The following PTPRG variants were observed in gnomAD, a reference collection of about 807,000 sequenced individuals.
The protein encoded by PTPRG is receptor-type tyrosine-protein phosphatase gamma.
Under a neutral mutation model 165.3 loss-of-function variants are expected in PTPRG, and 102 were observed. The observed-to-expected ratio is 0.62, with a 90% CI of 0.53 to 0.73. PTPRG has a LOEUF of 0.73. Ranked by LOEUF, PTPRG falls within the 30% of genes least tolerant of loss-of-function variation. The pLI is 0.00. For missense variants in PTPRG, 1,866 were observed against 1,861.4 expected (o/e 1.00, Z -0.05); for synonymous variants, 675 against 669.5 (o/e 1.01, Z -0.13).
At chr3:62,024,663 T>G (rs2041767721) in intron 4 of PTPRG, among the ~76,000 whole-genome samples, 1 of 152,228 alleles carries the variant, frequency 6.6e-6, no homozygotes, top group African/African-American at 2.4e-5. Context: ...ATGTCACCCT[T>G]TCTTACCAAG....
At chr3:61,707,461 T>G (rs1203784889) in intron 1 of PTPRG, among the ~76,000 whole-genome samples, 1 of 152,144 alleles carries the variant, frequency 6.6e-6, no homozygotes, top group Non-Finnish European at 1.5e-5. Context: ...AGAGCTGATT[T>G]TTTTTCTATT....
intron 1 of PTPRG, among the ~76,000 whole-genome samples, chr3:61,743,705 A>G (rs2033090732): frequency 6.6e-6 from 1 of 152,184 alleles, no homozygotes; most frequent in East Asian, 1.9e-4. Context: ...CATAAACCAT[A>G]GTGGGCTTGG....
chr3:61,750,199 A>G (rs1014255058), intron 2 of PTPRG: 2 of 152,236 alleles, frequency 1.3e-5, no homozygotes, highest in Non-Finnish European at 2.9e-5. Flanking sequence ...GAAAGCCAAA[A>G]TTACATATAT....
chr3:61,658,019 T>C lies in PTPRG; in HGVS notation c.86-90859T>C, dbSNP rs574535985. Among the ~76,000 whole-genome samples the C allele has an allele frequency of 3.3e-5, 5 of 152,244 alleles. No individual in the cohort carries two copies. The South Asian group carries it at 1.0e-3, about 32-fold the overall frequency. On this transcript the variant is annotated intron_variant, in intron 1 of 29. Coordinates refer to ENST00000474889, the MANE Select transcript of PTPRG (RefSeq NM_002841.4). ...CCCTACACACTGGGCACCCACCCTA[T>C]GGACAGACACACTCCATGAAAATGT...
At chr3:61,713,959 C>T (rs959839780) in intron 1 of PTPRG, among the ~76,000 whole-genome samples, 2 of 151,874 alleles carry the variant, frequency 1.3e-5, no homozygotes, top group African/African-American at 2.4e-5. Flanking sequence ...ACGATAATGC[C>T]GTATTTTAAA....
intron 2 of PTPRG, chr3:61,753,466 C>T (rs1473172578): frequency 3.1e-6 from 1 of 318,784 alleles, no homozygotes; most frequent in Admixed American, 4.0e-5. Flanking sequence ...TTGGAGTTTG[C>T]CCAGAACTTC....
chr3:61,813,541 A>ATCTGTGTG (rs1553673873), intron 2 of PTPRG, among the ~76,000 whole-genome samples: 15 of 69,188 alleles, frequency 2.2e-4, no homozygotes, highest in Non-Finnish European at 4.6e-4. Flanking sequence ...AAAAAAGAAA[A>ATCTGTGTG]TCTGTGTGTG....
chr3:61,817,130 CATA>C (rs1330912163), intron 2 of PTPRG, among the ~76,000 whole-genome samples: 6 of 126,216 alleles, frequency 4.8e-5, no homozygotes, highest in Non-Finnish European at 9.6e-5. Context: ...ATGTATTACA[CATA>C]ATACATATAT....
intron 4 of PTPRG, among the ~76,000 whole-genome samples, chr3:62,070,543 T>TA (rs1701174893): frequency 1.3e-5 from 2 of 152,254 alleles, no homozygotes; most frequent in African/African-American, 4.8e-5. Context: ...TGCACAGACT[T>TA]ACGTCCTGCG....
intron 2 of PTPRG, among the ~76,000 whole-genome samples, chr3:61,846,433 A>C (rs1247270996): frequency 6.8e-6 from 1 of 146,556 alleles, no homozygotes; most frequent in African/African-American, 2.5e-5. Context: ...CTTCAGAGTC[A>C]AAAAAAACAC....
intron 1 of PTPRG, among the ~76,000 whole-genome samples, chr3:61,615,635 AC>A (rs1162535001): frequency 1.3e-5 from 2 of 151,964 alleles, no homozygotes; most frequent in Non-Finnish European, 2.9e-5. Flanking sequence ...CTTTCAACTT[AC>A]TCTTTATTTG....
At chr3:61,750,263 TC>T (rs2033376593) in intron 2 of PTPRG, 6 of 152,232 alleles carry the variant, frequency 3.9e-5, no homozygotes, top group Non-Finnish European at 8.8e-5. Context: ...ACTCTGTGGC[TC>T]TGACATCAGT....
intron 1 of PTPRG, among the ~76,000 whole-genome samples, chr3:61,672,809 GA>G: frequency 2.0e-5 from 3 of 150,112 alleles, no homozygotes; most frequent in Admixed American, 6.6e-5. Context: ...GGGGGAGAGA[GA>G]GGGAGAGAGA....
At chr3:61,676,513 A>G (rs1233413742) in intron 1 of PTPRG, among the ~76,000 whole-genome samples, 1 of 150,438 alleles carries the variant, frequency 6.6e-6, no homozygotes, top group Non-Finnish European at 1.5e-5. Flanking sequence ...ACATTTTCTG[A>G]ATACTTCACT....
intron 7 of PTPRG, among the ~76,000 whole-genome samples, chr3:62,164,065 A>G (rs565996590): frequency 4.6e-4 from 70 of 152,330 alleles, no homozygotes; most frequent in African/African-American, 1.6e-3. Context: ...TATTAACCAG[A>G]TCTAGAAAAG....
At chr3:61,566,493 C>T (rs1014892850) in intron 1 of PTPRG, among the ~76,000 whole-genome samples, 2 of 152,208 alleles carry the variant, frequency 1.3e-5, no homozygotes, top group Admixed American at 6.5e-5. Context: ...CCTTGTCTCC[C>T]TGCCTTTTCC....
At chr3:61,627,411 C>G (rs1343389955) in intron 1 of PTPRG, among the ~76,000 whole-genome samples, 1 of 152,086 alleles carries the variant, frequency 6.6e-6, no homozygotes, top group African/African-American at 2.4e-5. Flanking sequence ...GTTGGAAATA[C>G]AATAGAAAGT....
intron 1 of PTPRG, among the ~76,000 whole-genome samples, chr3:61,623,402 G>A (rs1168687476): frequency 1.3e-5 from 2 of 152,166 alleles, no homozygotes; most frequent in East Asian, 3.8e-4. Flanking sequence ...GAAATCGGGG[G>A]GAAGGACCTT....
rs532727226 is a variant in PTPRG, at chr3:62,288,587, C to T, written c.4056-3834C>T. On this transcript the variant is annotated intron_variant, in intron 28 of 29. Transcript: ENST00000474889. ...ACTCGGGAGGCTGAGGCAGGAGAAT[C>T]GTTTGAACCTGGGAGGCAGAGGTTG... Among the ~76,000 whole-genome samples the T allele has an allele frequency of 1.3e-5, 2 of 151,242 alleles. 1 individual carries two copies. Among genetic ancestry groups the T allele is most frequent in the South Asian group, 4.2e-4 (2 of 4,782 alleles).
Sources: gnomAD v4.1 joint callset for allele counts (sites outside exome capture counted in the v4.1 genomes callset) on GRCh38, gnomAD v4.1.1 for gene constraint, MANE v1.5 for transcripts, NCBI Gene and HGNC (gene_info 2026-07-23, HGNC 2026-07-21) for gene names.